The following KIF1C variants were observed in gnomAD, a reference collection of about 807,000 sequenced individuals.
KIF1C encodes kinesin-like protein KIF1C.
Under a neutral mutation model 126.5 loss-of-function variants are expected in KIF1C, and 61 were observed. The ratio of observed to expected loss-of-function variants is 0.48; its 90% CI spans 0.39 to 0.60. KIF1C has a LOEUF of 0.60. KIF1C is among the 20% of genes least tolerant of loss of function. KIF1C has a pLI of 0.00. For synonymous variants in KIF1C, 640 were observed against 580.6 expected (o/e 1.10, Z -1.47); for missense variants, 1,315 against 1,489.2 (o/e 0.88, Z 1.93).
In KIF1C at chr17:5,022,265, C is replaced by G. The variant is rs369357478; in HGVS notation, c.2184C>G (p.Ile728Met). Residue 728 changes from isoleucine to methionine, a missense_variant, in exon 22 of 23, where the codon ATC becomes ATG. Physicochemically the swap from Ile to Met is conservative, Grantham distance 10. This residue lies in a region of KIF1C where 874 missense variants were observed against 1,053.2 expected (regional missense o/e 0.83). Coordinates refer to ENST00000320785, the MANE Select transcript of KIF1C (RefSeq NM_006612.6). This position sits in a 1 kb window ranked among gnomAD's most constrained non-coding sequence, Gnocchi z 4.9. The stretch of plus-strand genomic sequence containing the variant: ...GGGCCCCTCGCAGGGTTTATCAGAT[C>G]CCCCAGCGACGCAGGCTGCAGGGCA... ...KRRAPRRVYQ[I>M]PQRRRLQGKD... The G allele has an allele frequency of 6.2e-7, 1 of 1,613,982 alleles. No individual in the cohort carries two copies. Among genetic ancestry groups the G allele is most frequent in the Non-Finnish European group, 8.5e-7 (1 of 1,180,030 alleles).
At chr17:5,003,797 T>C (rs1423047964) in intron 9 of KIF1C, 54 bp from the exon 10 acceptor site, 1 of 1,575,562 alleles carries the variant, frequency 6.3e-7, no homozygotes, top group Non-Finnish European at 8.7e-7. Context: ...GAAGCGGAAG[T>C]GGATCACATT....
chr17:5,003,719 T>C, intron 9 of KIF1C, 30 bp downstream of exon 9: 1 of 1,600,080 alleles, frequency 6.2e-7, no homozygotes, highest in Non-Finnish European at 8.6e-7. Context: ...TGGTTTGTTG[T>C]GGGGCAGTGT....
chr17:5,000,899 A>ATAAATC (rs1974573082), intron 4 of KIF1C, 51 bp downstream of exon 4: 1 of 1,548,164 alleles, frequency 6.5e-7, no homozygotes, highest in Non-Finnish European at 8.9e-7. Flanking sequence ...CAGAGGATTT[A>ATAAATC]GGTCCTGGGG....
At chr17:5,006,660 C>G (rs369246524) in intron 13 of KIF1C, among the ~76,000 whole-genome samples, 1 of 152,140 alleles carries the variant, frequency 6.6e-6, no homozygotes, top group African/African-American at 2.4e-5. Context: ...TCTGATGGTG[C>G]AAATCATCTA....
At chr17:5,019,747 T>C (rs1194871054) in intron 18 of KIF1C, 2 of 539,336 alleles carry the variant, frequency 3.7e-6, no homozygotes, top group African/African-American at 3.8e-5. Flanking sequence ...CTGGGGAGGA[T>C]AGAGGTGGGT....
intron 3 of KIF1C, 150 bp from the exon 4 acceptor site, chr17:5,000,622 G>A (rs1597838706): frequency 1.9e-5 from 15 of 781,754 alleles, no homozygotes; most frequent in Middle Eastern, 6.2e-4. Flanking sequence ...TTTGGTGGCT[G>A]GAGGGGGTGG....
rs1042849452 is a variant in KIF1C, at chr17:5,004,450, C to T, written c.941-117C>T. On this transcript the variant is annotated intron_variant, in intron 11 of 22. Coordinates refer to ENST00000320785, the MANE Select transcript of KIF1C (RefSeq NM_006612.6). ...GCTCCACCCCGCTAGACTCCCCTAC[C>T]TCAGACCATGACCCTGTAAGACCTC... 6.5e-6 allele frequency: 6 copies of T among 924,744 alleles called. No homozygotes were observed. The South Asian group carries it at 7.2e-5, about 11-fold the overall frequency. The allele number at this position is 924,744 out of a possible 1,614,324, so 57.3% of individuals were successfully genotyped here.
chr17:5,012,465 A>AG (rs1415207452), intron 16 of KIF1C, among the ~76,000 whole-genome samples: 2 of 152,006 alleles, frequency 1.3e-5, no homozygotes, highest in Admixed American at 1.3e-4. Flanking sequence ...GCTGAGTGGA[A>AG]GTACAGAGTC....
intron 4 of KIF1C, 91 bp downstream of exon 4, chr17:5,000,939 G>C: frequency 7.6e-7 from 1 of 1,308,192 alleles, no homozygotes; most frequent in Non-Finnish European, 1.1e-6. Context: ...AGGACCCCCA[G>C]GGGATTAGTC....
chr17:5,022,481 C>A lies in KIF1C; in HGVS notation c.2400C>A (p.Ala800=). The change falls in exon 22 of 23, where the codon GCC becomes GCA. Residue 800 remains alanine, a synonymous_variant. Coordinates refer to ENST00000320785, the MANE Select transcript of KIF1C (RefSeq NM_006612.6). This position sits in a 1 kb window ranked among gnomAD's most constrained non-coding sequence, Gnocchi z 4.9. The part of the protein sequence containing the change: ...DGPGDAWRAV[A]RDVWDTVGEE... ...CCGGAGACGCCTGGAGGGCTGTGGC[C>A]CGGGATGTCTGGGACACTGTAGGCG... is the stretch of plus-strand genomic sequence containing the variant. The A allele has an allele frequency of 6.3e-7, 1 of 1,586,796 alleles. No homozygotes were observed. Among genetic ancestry groups the A allele is most frequent in the Non-Finnish European group, 8.6e-7 (1 of 1,165,416 alleles).
In KIF1C at chr17:5,022,343, G is replaced by T. The variant is rs371464539; in HGVS notation, c.2262G>T (p.Glu754Asp). The T allele has an allele frequency of 9.4e-6, 15 of 1,596,646 alleles. No homozygotes were observed. The East Asian group carries it at 3.2e-4, about 34-fold the overall frequency. ...ACCTGAAGATGCAGGCGGTGAAGGA[G>T]ATCTGCTACGAGGTGGCCCTGGCTG... ...MADLKMQAVK[E>D]ICYEVALADF... Residue 754 changes from glutamate (E) to aspartate (D), a missense_variant, in exon 22 of 23, where the codon GAG becomes GAT. Around this residue, in one of 2 missense-constraint regions of KIF1C, gnomAD observed 874 missense variants for 1,053.2 expected, o/e 0.83. Coordinates refer to ENST00000320785, the MANE Select transcript of KIF1C (RefSeq NM_006612.6). This position sits in a 1 kb window ranked among gnomAD's most constrained non-coding sequence, Gnocchi z 4.9.
chr17:5,009,112 GA>G (rs796782971), intron 16 of KIF1C, among the ~76,000 whole-genome samples: 4,117 of 136,816 alleles, frequency 0.03, 165 homozygotes, highest in African/African-American at 0.099. Flanking sequence ...TTTTGTTATA[GA>G]AAAAAAAAAA....
chr17:4,998,949 T>C (rs1974481816), intron 1 of KIF1C: 1 of 152,374 alleles, frequency 6.6e-6, no homozygotes. Flanking sequence ...GTGGACGCCA[T>C]AGCACTAGCC....
Position 5,020,486 on chromosome 17 carries a change from C to T in KIF1C, c.1751-6C>T. 1 of 1,604,740 alleles carries T rather than the reference C, an allele frequency of 6.2e-7. No homozygotes were observed. The highest frequency in any genetic ancestry group is 8.5e-7 in the Non-Finnish European group (1 of 1,174,084). ...CGAGTTTACTTTTCCCTCCTCCCAT[C>T]TCTAGGGAATAGGATTGTGATGGGC... On this transcript the variant is annotated splice_polypyrimidine_tract_variant and splice_region_variant and intron_variant, in intron 19 of 22. Coordinates refer to ENST00000320785, the MANE Select transcript of KIF1C (RefSeq NM_006612.6). This position sits in a 1 kb window ranked among gnomAD's most constrained non-coding sequence, Gnocchi z 5.8.
rs575703589 is a variant in KIF1C, at chr17:5,000,816, A to G, written c.151A>G (p.Thr51Ala). 11 of 1,613,952 alleles carry G rather than the reference A, an allele frequency of 6.8e-6. No homozygotes were observed. In the African/African-American group the frequency reaches 1.2e-4, roughly 18 times the overall value. The change falls in exon 4 of 23, where the codon ACC becomes GCC. Residue 51 changes from threonine (T) to alanine (A), a missense_variant. By Grantham distance (58) the Thr-to-Ala change is moderately conservative. Around this residue, in one of 2 missense-constraint regions of KIF1C, gnomAD observed 874 missense variants for 1,053.2 expected, o/e 0.83. Transcript: ENST00000320785. ...KQSKDAPKSFTFDYSYWSHTS... is the reference protein window; with the variant it reads ...KQSKDAPKSFAFDYSYWSHTS... ...GAGCAAGGATGCCCCCAAAAGCTTCACCTTTGACTACTCCTACTGGTCACA... is the reference window on the plus strand; with the variant it reads ...GAGCAAGGATGCCCCCAAAAGCTTCGCCTTTGACTACTCCTACTGGTCACA...
chr17:5,017,293 CTTTTT>C (rs34140025), intron 18 of KIF1C, among the ~76,000 whole-genome samples: 40 of 85,214 alleles, frequency 4.7e-4, no homozygotes, highest in African/African-American at 1.6e-3. Context: ...GGCCTTGGTT[CTTTTT>C]TTTTTTTTTT....
chr17:4,998,309 G>T (rs1024959477), intron 1 of KIF1C, among the ~76,000 whole-genome samples, 153 bp downstream of exon 1: 1 of 152,170 alleles, frequency 6.6e-6, no homozygotes, highest in African/African-American at 2.4e-5. Flanking sequence ...TGCCAGGCCC[G>T]GGCGGCCGCC....
chr17:5,006,062 C>T (rs1346192215), intron 13 of KIF1C, among the ~76,000 whole-genome samples: 1 of 150,560 alleles, frequency 6.6e-6, no homozygotes, highest in Non-Finnish European at 1.5e-5. Flanking sequence ...CAAAAATTAG[C>T]TAGGTGTGGT....
chr17:5,007,976 A>T (rs1410299281), intron 16 of KIF1C, among the ~76,000 whole-genome samples: 1 of 152,174 alleles, frequency 6.6e-6, no homozygotes, highest in Non-Finnish European at 1.5e-5. Flanking sequence ...TTATAGATGG[A>T]GGCACCCGTG....
Sources: allele counts gnomAD v4.1 joint callset (sites outside exome capture counted in the v4.1 genomes callset), GRCh38; gene constraint gnomAD v4.1.1; regional missense constraint gnomAD v4.1.1; non-coding constraint Gnocchi (gnomAD v3.1); transcripts MANE v1.5; gene names NCBI Gene and HGNC (gene_info 2026-07-23, HGNC 2026-07-21).